MICU1: variants seen among roughly 807,000 people sequenced by gnomAD.
The protein encoded by MICU1 is mitochondrial calcium uptake 1, also known as calcium uptake protein 1, mitochondrial.
A neutral mutation model predicts 56.8 loss-of-function variants in MICU1; 45 were observed. The observed-to-expected ratio is 0.79, with a 90% CI of 0.62 to 1.02. The LOEUF is 1.02. Ranked by LOEUF, MICU1 falls within the 50% of genes least tolerant of loss-of-function variation. The pLI is 0.00. For missense variants in MICU1, 504 were observed against 587.1 expected (o/e 0.86, Z 1.46); for synonymous variants, 186 against 195.1 (o/e 0.95, Z 0.39).
intron 3 of MICU1, among the ~76,000 whole-genome samples, chr10:72,553,228 T>C (rs1488920010): frequency 2.2e-5 from 3 of 133,546 alleles, no homozygotes; most frequent in Non-Finnish European, 4.8e-5. Context: ...AAGAAATACC[T>C]TTCTTCTTTT....
At chr10:72,616,901 T>C (rs982726241) in intron 1 of MICU1, among the ~76,000 whole-genome samples, 3 of 152,208 alleles carry the variant, frequency 2.0e-5, no homozygotes, top group African/African-American at 7.2e-5. Flanking sequence ...AGGGAAACTA[T>C]TGTGCTCTGT....
intron 4 of MICU1, among the ~76,000 whole-genome samples, chr10:72,540,288 A>C (rs1839740617): frequency 6.7e-6 from 1 of 148,214 alleles, no homozygotes; most frequent in African/African-American, 2.5e-5. Flanking sequence ...AAAAAAAAAG[A>C]AAAGAGAAAG....
chr10:72,521,664 G>A (rs1249934021), intron 5 of MICU1, among the ~76,000 whole-genome samples: 1 of 152,062 alleles, frequency 6.6e-6, no homozygotes, highest in Non-Finnish European at 1.5e-5. Flanking sequence ...CAGAGCCCAT[G>A]TCATGAATCA....
At chr10:72,601,163 T>C (rs1175533275) in intron 1 of MICU1, among the ~76,000 whole-genome samples, 1 of 152,116 alleles carries the variant, frequency 6.6e-6, no homozygotes, top group Non-Finnish European at 1.5e-5. Context: ...GGTTCAGACC[T>C]GTAATCCCAA....
At chr10:72,464,944 A>G (rs936496001) in intron 8 of MICU1, among the ~76,000 whole-genome samples, 1 of 152,212 alleles carries the variant, frequency 6.6e-6, no homozygotes, top group African/African-American at 2.4e-5. Context: ...AGAAAATAGA[A>G]TTAGTTTCAA....
At chr10:72,435,052 T>C (rs1864662290) in intron 8 of MICU1, among the ~76,000 whole-genome samples, 1 of 152,034 alleles carries the variant, frequency 6.6e-6, no homozygotes, top group African/African-American at 2.4e-5. Flanking sequence ...CCATAGTTGA[T>C]TATCTCCTCA....
chr10:72,439,650 C>T (rs914909140), intron 8 of MICU1, among the ~76,000 whole-genome samples: 7 of 152,284 alleles, frequency 4.6e-5, no homozygotes, highest in Non-Finnish European at 8.8e-5. Flanking sequence ...ATTTAGAAAA[C>T]ACCACTGTCT....
chr10:72,614,874 C>T (rs1376605207), intron 1 of MICU1, among the ~76,000 whole-genome samples: 1 of 152,092 alleles, frequency 6.6e-6, no homozygotes, highest in Non-Finnish European at 1.5e-5. Flanking sequence ...TACTTAATGC[C>T]ACTGTACATT....
intron 6 of MICU1, among the ~76,000 whole-genome samples, chr10:72,489,996 T>G (rs900268513): frequency 6.6e-6 from 1 of 152,188 alleles, no homozygotes; most frequent in Non-Finnish European, 1.5e-5. Flanking sequence ...GTTTTGGAAG[T>G]TGAAGAATGT....
At position 72,506,016 on chromosome 10, in the gene MICU1, T is replaced by C. The variant is rs1429520636; in HGVS notation, c.652+2139A>G. Among the ~76,000 whole-genome samples, 5 of 134,246 alleles carry C rather than the reference T, an allele frequency of 3.7e-5. No individual in the cohort carries two copies. In the South Asian group the frequency reaches 1.2e-3, roughly 31 times the overall value. 88.1% of individuals were successfully genotyped at this position (134,246 alleles called of 152,430 possible). A position where few individuals can be genotyped will look rare whatever the true frequency, so the allele number is the denominator to read the frequency against. ...GCAAGCAAAAAAAAAAAAAAACTAG[T>C]GATAAAGAGACTCTTAAAATCATAC... On this transcript the variant is annotated intron_variant, in intron 6 of 11. Transcript: ENST00000361114.
In MICU1 at chr10:72,444,786, GCTGGGGTACA is replaced by G. The variant is rs1413948971; in HGVS notation, c.934-21425_934-21416del. Among the ~76,000 whole-genome samples, 3 of 152,296 alleles carry G rather than the reference GCTGGGGTACA, an allele frequency of 2.0e-5. No homozygotes were observed. The South Asian group carries it at 6.2e-4, about 32-fold the overall frequency. ...TTACTGTGCCTGTGTCGCACACAGA[GCTGGGGTACA>G]CTGCGTTTGCTCAATAAATAATTGT... On this transcript the variant is annotated intron_variant, in intron 8 of 11. Transcript: ENST00000361114.
At chr10:72,588,386 G>A (rs191972290) in intron 1 of MICU1, among the ~76,000 whole-genome samples, 8 of 151,554 alleles carry the variant, frequency 5.3e-5, no homozygotes, top group Admixed American at 2.6e-4. Context: ...AAGAATCTAT[G>A]AGGGAAAGGA....
chr10:72,617,516 G>A (rs570734219), intron 1 of MICU1, among the ~76,000 whole-genome samples: 53 of 152,172 alleles, frequency 3.5e-4, no homozygotes, highest in African/African-American at 1.3e-3. Context: ...GAACACCAAA[G>A]CTTGCTGGGC....
chr10:72,541,143 C>T (rs1839763832), intron 4 of MICU1, among the ~76,000 whole-genome samples: 1 of 152,256 alleles, frequency 6.6e-6, no homozygotes, highest in South Asian at 2.1e-4. Context: ...GCTGTCCTTA[C>T]TCATTCCCGG....
intron 10 of MICU1, among the ~76,000 whole-genome samples, chr10:72,382,903 C>T (rs1190738911): frequency 3.3e-5 from 5 of 152,028 alleles, no homozygotes; most frequent in African/African-American, 9.7e-5. Flanking sequence ...AGCAAGCCTC[C>T]GTCCAATAGT....
At chr10:72,409,703 C>G (rs1208507309) in intron 9 of MICU1, among the ~76,000 whole-genome samples, 11 of 151,904 alleles carry the variant, frequency 7.2e-5, no homozygotes, top group Non-Finnish European at 2.9e-5. Context: ...AAACAAAACA[C>G]AACAAAAAAG....
chr10:72,487,260 A>G (rs1866505336), intron 6 of MICU1, among the ~76,000 whole-genome samples: 1 of 152,136 alleles, frequency 6.6e-6, no homozygotes, highest in South Asian at 2.1e-4. Context: ...AGCCAACACC[A>G]CAGACATCTC....
intron 6 of MICU1, among the ~76,000 whole-genome samples, chr10:72,489,588 T>C (rs1866588801): frequency 6.6e-6 from 1 of 152,180 alleles, no homozygotes; most frequent in Non-Finnish European, 1.5e-5. Context: ...ACAATAAGGC[T>C]AGATAGTTTA....
rs529786842 is a variant in MICU1 at position 72,451,798 on chromosome 10, C to T, written c.933+23302G>A. 2.0e-5 allele frequency among the ~76,000 whole-genome samples: 3 copies of T among 152,258 alleles called. No homozygotes were observed. The East Asian group carries it at 5.8e-4, about 29-fold the overall frequency. On this transcript the variant is annotated intron_variant, in intron 8 of 11. Coordinates refer to ENST00000361114, the MANE Select transcript of MICU1 (RefSeq NM_001195518.2). ...CTTCAAGGAATCCTCCTGCTTTGGC[C>T]TCTTAAAGTGCTGGGACTACAGACA...
Sources: allele counts gnomAD v4.1 joint callset (sites outside exome capture counted in the v4.1 genomes callset), GRCh38; gene constraint gnomAD v4.1.1; transcripts MANE v1.5; gene names NCBI Gene and HGNC (gene_info 2026-07-23, HGNC 2026-07-21).